The following PPARD variants were observed in gnomAD, a reference collection of about 807,000 sequenced individuals.
PPARD encodes the protein peroxisome proliferator activated receptor delta.
PPARD carries 6 observed loss-of-function variants against 39.5 expected under a neutral mutation model. That is an observed-to-expected ratio of 0.15 (90% CI 0.08 to 0.30). The LOEUF is 0.30. Ranked by LOEUF, PPARD falls within the 10% of genes least tolerant of loss-of-function variation. The probability of loss-of-function intolerance (pLI) is 1.00; values close to 1 mark genes in which losing one functional copy is unlikely to be tolerated. For missense variants in PPARD, 397 were observed against 596.8 expected, an observed-to-expected ratio of 0.67 and a Z score of 3.49; for synonymous variants, 210 against 231.3, an observed-to-expected ratio of 0.91 and a Z score of 0.83.
intron 2 of PPARD, among the ~76,000 whole-genome samples, chr6:35,387,798 T>C (rs1701174289): frequency 7.0e-6 from 1 of 143,086 alleles, no homozygotes. Flanking sequence ...CTCTGCTCAC[T>C]GCAACCTCCA....
intron 2 of PPARD, among the ~76,000 whole-genome samples, chr6:35,393,101 G>C (rs1401688132): frequency 1.3e-5 from 2 of 152,204 alleles, no homozygotes; most frequent in Non-Finnish European, 2.9e-5. Context: ...GCCAGGACCA[G>C]GGCCAGTGGC....
intron 3 of PPARD, among the ~76,000 whole-genome samples, chr6:35,414,458 G>C (rs1161429002): frequency 6.6e-6 from 1 of 152,080 alleles, no homozygotes; most frequent in East Asian, 1.9e-4. Flanking sequence ...TAAAAGGGGG[G>C]TGAGGATCTG....
At chr6:35,344,602 C>T (rs1176920074) in intron 1 of PPARD, among the ~76,000 whole-genome samples, 1 of 152,068 alleles carries the variant, frequency 6.6e-6, no homozygotes, top group Non-Finnish European at 1.5e-5. Flanking sequence ...ATTCTGAAAG[C>T]GTGACCCACT....
chr6:35,415,444 G>A (rs1375525985), intron 3 of PPARD, among the ~76,000 whole-genome samples: 1 of 152,224 alleles, frequency 6.6e-6, no homozygotes, highest in African/African-American at 2.4e-5. Context: ...ATATGCAGGA[G>A]AGCTCTCAGC....
At chr6:35,398,425 T>TG (rs1206481030) in intron 2 of PPARD, among the ~76,000 whole-genome samples, 1 of 151,914 alleles carries the variant, frequency 6.6e-6, no homozygotes, top group African/African-American at 2.4e-5. Flanking sequence ...AGAGAGACCA[T>TG]GGGGGGAAGG....
chr6:35,348,483 T>C, intron 2 of PPARD: 1 of 985,378 alleles, frequency 1.0e-6, no homozygotes, highest in Non-Finnish European at 1.2e-6. Flanking sequence ...GGGAATACAA[T>C]GTTCATTGTC....
At chr6:35,394,018 A>G (rs189481448) in intron 2 of PPARD, among the ~76,000 whole-genome samples, 1 of 152,194 alleles carries the variant, frequency 6.6e-6, no homozygotes, top group Non-Finnish European at 1.5e-5. Flanking sequence ...TGACTCTTCT[A>G]CTCCACTTTA....
At chr6:35,346,980 G>T in intron 1 of PPARD, 87 bp from the exon 2 acceptor site, 2 of 760,914 alleles carry the variant, frequency 2.6e-6, no homozygotes, top group Middle Eastern at 2.8e-4. Flanking sequence ...CACTCTTTGA[G>T]TTACGGTGGG....
At chr6:35,417,935 G>A (rs1765883009) in intron 3 of PPARD, among the ~76,000 whole-genome samples, 1 of 152,206 alleles carries the variant, frequency 6.6e-6, no homozygotes, top group Non-Finnish European at 1.5e-5. Flanking sequence ...CACAGAGGGT[G>A]ACATTGTCAC....
Position 35,421,810 on chromosome 6 carries a change from G to T in PPARD, c.286-10G>T. ...TGGTGGCCTTTCCTCACCTGTTCTT[G>T]GTGCTTCAGGGCTTCTTCCGTCGTA... On this transcript the variant is annotated splice_polypyrimidine_tract_variant and intron_variant, in intron 4 of 7. Coordinates refer to ENST00000360694, the MANE Select transcript of PPARD (RefSeq NM_006238.5). 6.2e-7 allele frequency: 1 copy of T among 1,603,660 alleles called. No individual in the cohort carries two copies. The highest frequency in any genetic ancestry group is 8.5e-7 in the Non-Finnish European group (1 of 1,173,832).
At chr6:35,358,018 C>T (rs1042222405) in intron 2 of PPARD, among the ~76,000 whole-genome samples, 2 of 152,134 alleles carry the variant, frequency 1.3e-5, no homozygotes, top group Admixed American at 1.3e-4. Flanking sequence ...AAATATACCC[C>T]TTTATAACCC....
chr6:35,385,395 G>T (rs1763565120), intron 2 of PPARD, among the ~76,000 whole-genome samples: 1 of 149,860 alleles, frequency 6.7e-6, no homozygotes, highest in Non-Finnish European at 1.5e-5. Flanking sequence ...GATTAAGGGC[G>T]GTGCAAGATG....
At chr6:35,371,863 CT>C (rs1762499814) in intron 2 of PPARD, among the ~76,000 whole-genome samples, 1 of 152,246 alleles carries the variant, frequency 6.6e-6, no homozygotes, top group Non-Finnish European at 1.5e-5. Flanking sequence ...GACTGTACTT[CT>C]AGTCCACACA....
intron 3 of PPARD, among the ~76,000 whole-genome samples, chr6:35,417,451 A>T (rs1421014758): frequency 7.1e-6 from 1 of 139,974 alleles, no homozygotes; most frequent in Non-Finnish European, 1.6e-5. Flanking sequence ...ACACCCAACT[A>T]TTTTTTTTTT....
chr6:35,423,856 A>G (rs1487272438), intron 5 of PPARD, 90 bp from the exon 6 acceptor site: 16 of 1,311,684 alleles, frequency 1.2e-5, no homozygotes, highest in Non-Finnish European at 1.7e-5. Flanking sequence ...CTCCAAAAGG[A>G]TTTGGCCCAT....
chr6:35,354,876 G>A lies in PPARD; in HGVS notation c.-102+7726G>A, dbSNP rs548121465. Among the ~76,000 whole-genome samples the A allele has an allele frequency of 1.1e-3, 171 of 152,320 alleles. 1 individual carries two copies. The highest frequency in any genetic ancestry group is 1.2e-3 in the Admixed American group (18 of 15,298). The stretch of plus-strand genomic sequence containing the variant: ...CATTTCATCGTCTGTGAAGAGGCCT[G>A]AGTGGATTTTGTGCTGGAGACCGGT... On this transcript the variant is annotated intron_variant, in intron 2 of 7. Coordinates refer to ENST00000360694, the MANE Select transcript of PPARD (RefSeq NM_006238.5).
chr6:35,344,849 C>A (rs534485785), intron 1 of PPARD, among the ~76,000 whole-genome samples: 1 of 152,174 alleles, frequency 6.6e-6, no homozygotes, highest in Non-Finnish European at 1.5e-5. Context: ...TGAGCCAGTC[C>A]CTTCTCCACT....
intron 2 of PPARD, among the ~76,000 whole-genome samples, chr6:35,396,829 CAAT>C (rs1239521658): frequency 1.3e-5 from 2 of 151,926 alleles, no homozygotes; most frequent in African/African-American, 4.8e-5. Context: ...GACTCTGTCT[CAAT>C]AAAGAAAAAA....
At chr6:35,403,853 G>A (rs956456800) in intron 2 of PPARD, among the ~76,000 whole-genome samples, 5 of 152,228 alleles carry the variant, frequency 3.3e-5, no homozygotes, top group African/African-American at 1.2e-4. Context: ...CAAGGCAGGT[G>A]CCAGTTCAAG....
Sources: allele counts gnomAD v4.1 joint callset (sites outside exome capture counted in the v4.1 genomes callset), GRCh38; gene constraint gnomAD v4.1.1; transcripts MANE v1.5; gene names NCBI Gene and HGNC (gene_info 2026-07-23, HGNC 2026-07-21).